Variants in CD226 observed in about 807,000 individuals in gnomAD.
CD226 encodes the protein CD226 molecule, also known as CD226 antigen.
A neutral mutation model predicts 34.9 loss-of-function variants in CD226; 24 were observed. That is an observed-to-expected ratio of 0.69 (90% confidence interval 0.50 to 0.97). The LOEUF is 0.97. Ranked by LOEUF, CD226 falls within the 50% of genes least tolerant of loss-of-function variation. CD226 has a pLI of 0.00. For missense variants in CD226, 397 were observed against 412.7 expected (o/e 0.96, Z 0.33); for synonymous variants, 148 against 147.4 (o/e 1.00, Z -0.03).
At chr18:69,897,786 C>T (rs1985384915) in intron 2 of CD226, among the ~76,000 whole-genome samples, 1 of 152,182 alleles carries the variant, frequency 6.6e-6, no homozygotes, top group African/African-American at 2.4e-5. Flanking sequence ...GTAAGATTTG[C>T]CATCTATTGA....
At chr18:69,944,800 C>G (rs1341178875) in intron 2 of CD226, among the ~76,000 whole-genome samples, 1 of 152,308 alleles carries the variant, frequency 6.6e-6, no homozygotes, top group East Asian at 1.9e-4. Flanking sequence ...CTACATACAA[C>G]AGCAAATGAG....
chr18:69,960,578 T>C (rs2055925318), upstream of CD226, among the ~76,000 whole-genome samples: 1 of 152,154 alleles, frequency 6.6e-6, no homozygotes, highest in Non-Finnish European at 1.5e-5. Context: ...GCCTCCCAAG[T>C]AGCTGGGATT....
intron 3 of CD226, among the ~76,000 whole-genome samples, chr18:69,883,442 A>G (rs1220308993): frequency 2.6e-5 from 4 of 152,172 alleles, no homozygotes; most frequent in Admixed American, 2.6e-4. Flanking sequence ...GCGGGGATTA[A>G]CCATCTTGCT....
In CD226 at chr18:69,947,756, A is replaced by T. The variant is rs989871964; in HGVS notation, c.-350T>A. Reference sequence around the variant, plus strand: ...GGATACAATAATACAAAAAAAAAAAAATATTGCCATGATAGAACTTACATT... The same window carrying T: ...GGATACAATAATACAAAAAAAAAAATATATTGCCATGATAGAACTTACATT... On this transcript the variant is annotated 5_prime_UTR_variant, in exon 1 of 6. Coordinates refer to ENST00000582621, the MANE Select transcript of CD226 (RefSeq NM_001303618.2). 2.6e-4 allele frequency: 46 copies of T among 174,742 alleles called. No individual in the cohort carries two copies. Among genetic ancestry groups the T allele is most frequent in the African/African-American group, 8.9e-4 (38 of 42,478 alleles). 10.8% of individuals were successfully genotyped at this position (174,742 alleles called of 1,614,324 possible). A position where few individuals can be genotyped will look rare whatever the true frequency, so the allele number is the denominator to read the frequency against.
chr18:69,952,892 T>C (rs2055866060), intron 1 of CD226, among the ~76,000 whole-genome samples: 1 of 152,156 alleles, frequency 6.6e-6, no homozygotes, highest in Non-Finnish European at 1.5e-5. Context: ...CTCTCACACT[T>C]TAACATAAAA....
At chr18:69,884,876 T>C (rs886319099) in intron 3 of CD226, among the ~76,000 whole-genome samples, 2 of 152,236 alleles carry the variant, frequency 1.3e-5, no homozygotes, top group Non-Finnish European at 2.9e-5. Flanking sequence ...CTTGGCTGTA[T>C]GAGAGAGTGA....
intron 2 of CD226, among the ~76,000 whole-genome samples, chr18:69,904,075 C>T (rs1371222945): frequency 6.6e-6 from 1 of 151,994 alleles, no homozygotes; most frequent in Non-Finnish European, 1.5e-5. Flanking sequence ...AAGGACCAAA[C>T]AAGATAAAAA....
chr18:69,958,571 A>G (rs563909589), upstream of CD226, among the ~76,000 whole-genome samples: 103 of 152,314 alleles, frequency 6.8e-4, no homozygotes, highest in African/African-American at 2.4e-3. Flanking sequence ...AACCTCACAC[A>G]TCGGCTGAAA....
intron 2 of CD226, among the ~76,000 whole-genome samples, chr18:69,945,463 C>T (rs1477546554): frequency 6.6e-6 from 1 of 151,986 alleles, no homozygotes; most frequent in Non-Finnish European, 1.5e-5. Context: ...GTAGATAAAG[C>T]AAAAAACACT....
At position 69,895,860 on chromosome 18, in the gene CD226, T is replaced by C. The variant is rs1001192649; in HGVS notation, c.568A>G (p.Lys190Glu). 9.3e-6 allele frequency: 15 copies of C among 1,614,028 alleles called. No homozygotes were observed. In the African/African-American group the frequency reaches 1.6e-4, roughly 17 times the overall value. ...NLVHGRNFTS[K>E]FPRQIVSNCS... ...TTGCTCACTATTTGTCTTGGGAACT[T>C]GGAGGTGAAATTTCTGCCATGGACC... The change falls in exon 3 of 6, where the codon AAG (lysine) becomes GAG (glutamate). Residue 190 changes from lysine (K) to glutamate (E), a missense_variant. Lys to Glu is a moderately conservative substitution (Grantham distance 56). Coordinates refer to ENST00000582621, the MANE Select transcript of CD226 (RefSeq NM_001303618.2).
At chr18:69,915,826 G>A (rs2055379067) in intron 2 of CD226, among the ~76,000 whole-genome samples, 1 of 151,904 alleles carries the variant, frequency 6.6e-6, no homozygotes, top group African/African-American at 2.4e-5. Flanking sequence ...TAACTCTACT[G>A]TCTTGGAATT....
In CD226 at chr18:69,869,731, C is replaced by T. The variant is rs59825651; in HGVS notation, c.831-2320G>A. Among the ~76,000 whole-genome samples, 484 of 150,456 alleles carry T rather than the reference C, an allele frequency of 3.2e-3. 3 individuals are homozygous for T. Among genetic ancestry groups the T allele is most frequent in the African/African-American group, 0.011 (472 of 41,122 alleles). On this transcript the variant is annotated intron_variant, in intron 4 of 5. Transcript: ENST00000582621. Reference sequence around the variant, plus strand: ...AGTAAACATATCACAATTGGATTTACGTTGACCAGCCATTCTGGTTTGCCT... The same window carrying T: ...AGTAAACATATCACAATTGGATTTATGTTGACCAGCCATTCTGGTTTGCCT...
intron 3 of CD226, among the ~76,000 whole-genome samples, chr18:69,875,213 G>A (rs948848363): frequency 6.6e-6 from 1 of 151,988 alleles, no homozygotes; most frequent in Non-Finnish European, 1.5e-5. Context: ...ATCTCAGCTC[G>A]CTGCAAGCTC....
chr18:69,865,518 AC>A (rs1983086670), intron 5 of CD226, among the ~76,000 whole-genome samples: 1 of 149,334 alleles, frequency 6.7e-6, no homozygotes, highest in South Asian at 2.1e-4. Context: ...CAAATTCACA[AC>A]AATAAATGTG....
At chr18:69,933,444 C>T (rs1157150131) in intron 2 of CD226, among the ~76,000 whole-genome samples, 1 of 152,200 alleles carries the variant, frequency 6.6e-6, no homozygotes, top group African/African-American at 2.4e-5. Context: ...CTCCATTCAT[C>T]CAAATTACAC....
At chr18:69,898,917 C>A (rs1399996584) in intron 2 of CD226, among the ~76,000 whole-genome samples, 1 of 151,984 alleles carries the variant, frequency 6.6e-6, no homozygotes, top group Non-Finnish European at 1.5e-5. Flanking sequence ...GTGAAACAGA[C>A]CAAAATGTCG....
At chr18:69,946,673 T>C (rs901127667) in intron 2 of CD226, 61 bp downstream of exon 2, 3 of 1,130,222 alleles carry the variant, frequency 2.7e-6, no homozygotes, top group Middle Eastern at 2.1e-4. Context: ...TTGGGCTTTA[T>C]AGAAATAAAT....
At chr18:69,886,937 T>G (rs1397464078) in intron 3 of CD226, among the ~76,000 whole-genome samples, 1 of 152,124 alleles carries the variant, frequency 6.6e-6, no homozygotes, top group African/African-American at 2.4e-5. Flanking sequence ...CTACAAAACA[T>G]GAAAGCCTAT....
At chr18:69,955,634 C>T (rs577873066) in intron 1 of CD226, among the ~76,000 whole-genome samples, 4 of 152,118 alleles carry the variant, frequency 2.6e-5, no homozygotes, top group Admixed American at 6.5e-5. Context: ...AAGGCCGAGG[C>T]GGGCGGATCA....
Sources: gnomAD v4.1 joint callset for allele counts (sites outside exome capture counted in the v4.1 genomes callset) on GRCh38, gnomAD v4.1.1 for gene constraint, MANE v1.5 for transcripts, NCBI Gene and HGNC (gene_info 2026-07-23, HGNC 2026-07-21) for gene names.